IMMP2L: variants seen among roughly 807,000 people sequenced by gnomAD.
The protein encoded by IMMP2L is mitochondrial inner membrane protease subunit 2.
IMMP2L carries 18 observed loss-of-function variants against 19.3 expected under a neutral mutation model. That is an observed-to-expected ratio of 0.93 (90% CI 0.64 to 1.38). IMMP2L has a LOEUF of 1.38. IMMP2L is among the 40% of genes most tolerant of loss of function. IMMP2L has a pLI of 0.00. For synonymous variants in IMMP2L, 76 were observed against 73.0 expected (o/e 1.04, Z -0.21); for missense variants, 233 against 218.2 (o/e 1.07, Z -0.43).
chr7:111,132,540 C>A (rs1281824337), intron 3 of IMMP2L, among the ~76,000 whole-genome samples: 1 of 152,046 alleles, frequency 6.6e-6, no homozygotes. Flanking sequence ...ACCACATCAA[C>A]ACCAACAGCT....
intron 3 of IMMP2L, among the ~76,000 whole-genome samples, chr7:111,324,423 T>C (rs927967653): frequency 1.3e-5 from 2 of 151,948 alleles, no homozygotes; most frequent in Admixed American, 6.6e-5. Flanking sequence ...ATTAAGGAAA[T>C]GCCTAAAAAG....
Position 111,378,662 on chromosome 7 carries a change from C to T in IMMP2L, c.239+108576G>A, listed in dbSNP as rs1830912891. ...TTATTTTAATGACTAAACAGTTGAA[C>T]TGAAGAGTGTTTATAATATCCAATT... On this transcript the variant is annotated intron_variant, in intron 3 of 5. Coordinates refer to ENST00000405709, the MANE Select transcript of IMMP2L (RefSeq NM_032549.4). Among the ~76,000 whole-genome samples the T allele has an allele frequency of 2.6e-5, 4 of 151,900 alleles. 1 individual carries two copies.
At chr7:110,747,812 G>A (rs1468520730) in intron 5 of IMMP2L, among the ~76,000 whole-genome samples, 1 of 152,092 alleles carries the variant, frequency 6.6e-6, no homozygotes, top group Non-Finnish European at 1.5e-5. Flanking sequence ...GGCAAAAACT[G>A]GAAGCATTCC....
intron 5 of IMMP2L, among the ~76,000 whole-genome samples, chr7:110,853,940 C>T (rs139462560): frequency 1.3e-5 from 2 of 152,018 alleles, no homozygotes; most frequent in African/African-American, 4.8e-5. Context: ...ATGATAAACA[C>T]ACAATCTATG....
intron 3 of IMMP2L, among the ~76,000 whole-genome samples, chr7:110,964,904 G>A (rs1819369282): frequency 6.6e-6 from 1 of 151,964 alleles, no homozygotes; most frequent in South Asian, 2.1e-4. Context: ...TCACATTAGT[G>A]AGCTTCAAAG....
intron 3 of IMMP2L, among the ~76,000 whole-genome samples, chr7:111,029,183 C>G (rs1827155194): frequency 6.6e-6 from 1 of 152,086 alleles, no homozygotes; most frequent in Admixed American, 6.6e-5. Flanking sequence ...GATCCAATTT[C>G]CATAAACCAC....
At chr7:110,967,579 G>A (rs1248176102) in intron 3 of IMMP2L, among the ~76,000 whole-genome samples, 1 of 151,962 alleles carries the variant, frequency 6.6e-6, no homozygotes, top group East Asian at 1.9e-4. Flanking sequence ...ACAGTCTAAT[G>A]TAATCACTGA....
At chr7:111,333,566 A>C (rs1826089809) in intron 3 of IMMP2L, among the ~76,000 whole-genome samples, 1 of 152,052 alleles carries the variant, frequency 6.6e-6, no homozygotes, top group African/African-American at 2.4e-5. Context: ...GGATTGAAGG[A>C]TGCAAAGCTC....
In IMMP2L at chr7:111,057,881, G is replaced by A. The variant is rs555314686; in HGVS notation, c.240-94316C>T. On this transcript the variant is annotated intron_variant, in intron 3 of 5. Coordinates refer to ENST00000405709, the MANE Select transcript of IMMP2L (RefSeq NM_032549.4). ...ATTATAAAACATTCTTGTTCATGAGGAATTTCTTCAACTGTATGTATGGAT... is the reference window on the plus strand; with the variant it reads ...ATTATAAAACATTCTTGTTCATGAGAAATTTCTTCAACTGTATGTATGGAT... Among the ~76,000 whole-genome samples, 586 of 152,058 alleles carry A rather than the reference G, an allele frequency of 3.9e-3. 3 individuals carry two copies. Among genetic ancestry groups the A allele is most frequent in the African/African-American group, 0.014 (566 of 41,468 alleles).
chr7:110,722,419 G>A (rs1795631110), intron 5 of IMMP2L, among the ~76,000 whole-genome samples: 1 of 151,946 alleles, frequency 6.6e-6, no homozygotes, highest in African/African-American at 2.4e-5. Context: ...AAAGTTGCCA[G>A]TGCACACCTA....
chr7:111,118,782 C>T (rs180802677), intron 3 of IMMP2L, among the ~76,000 whole-genome samples: 19 of 152,080 alleles, frequency 1.2e-4, no homozygotes, highest in Admixed American at 4.6e-4. Context: ...GCTAAAGAAA[C>T]GATAAATTTC....
At chr7:110,923,025 G>C (rs1411839938) in intron 4 of IMMP2L, among the ~76,000 whole-genome samples, 1 of 152,172 alleles carries the variant, frequency 6.6e-6, no homozygotes, top group Middle Eastern at 3.2e-3. Context: ...GCCTATGGCA[G>C]TTGCTGTGGT....
At chr7:110,872,411 C>G (rs111634435) in intron 5 of IMMP2L, among the ~76,000 whole-genome samples, 2 of 152,154 alleles carry the variant, frequency 1.3e-5, no homozygotes, top group Non-Finnish European at 2.9e-5. Context: ...GTACCTCTGT[C>G]TCTGGCTTTT....
chr7:110,862,440 A>G (rs1349274079), intron 5 of IMMP2L, among the ~76,000 whole-genome samples: 1 of 151,756 alleles, frequency 6.6e-6, no homozygotes, highest in Non-Finnish European at 1.5e-5. Flanking sequence ...CCTGGGCTCA[A>G]GCGATCCTCC....
In IMMP2L at chr7:111,460,507, T is replaced by C. The variant is rs947598439; in HGVS notation, c.239+26731A>G. Among the ~76,000 whole-genome samples the C allele has an allele frequency of 1.8e-4, 28 of 152,262 alleles. 1 individual carries two copies. Among genetic ancestry groups the C allele is most frequent in the African/African-American group, 6.5e-4 (27 of 41,572 alleles). ...GTTTATACTTCATAAGCAAAGGTAT[T>C]CGTGGGAGATTTTTTAATAAATGTT... On this transcript the variant is annotated intron_variant, in intron 3 of 5. Transcript: ENST00000405709.
Position 111,007,452 on chromosome 7 carries a change from C to G in IMMP2L, c.240-43887G>C, listed in dbSNP as rs6958428. Among the ~76,000 whole-genome samples the G allele has an allele frequency of 7.5e-3, 1,141 of 152,206 alleles. 10 individuals carry two copies. Among genetic ancestry groups the G allele is most frequent in the South Asian group, 0.023 (112 of 4,820 alleles). On this transcript the variant is annotated intron_variant, in intron 3 of 5. Transcript: ENST00000405709. Reference sequence around the variant, plus strand: ...TCCTTGATATGTGCATGTCACTGGACTTTGGAAATACAAAAACTTTCTTAA... The same window carrying G: ...TCCTTGATATGTGCATGTCACTGGAGTTTGGAAATACAAAAACTTTCTTAA...
At chr7:110,942,993 T>TG (rs1169338650) in intron 4 of IMMP2L, among the ~76,000 whole-genome samples, 1 of 151,912 alleles carries the variant, frequency 6.6e-6, no homozygotes, top group African/African-American at 2.4e-5. Context: ...ATCTCTGAAA[T>TG]GAAGACAACA....
chr7:111,208,249 A>C (rs1187790558), intron 3 of IMMP2L, among the ~76,000 whole-genome samples: 3 of 152,220 alleles, frequency 2.0e-5, no homozygotes, highest in Admixed American at 2.0e-4. Flanking sequence ...TCATTCAAAA[A>C]AGAACAACAA....
chr7:110,938,748 T>C (rs892418354), intron 4 of IMMP2L, among the ~76,000 whole-genome samples: 1 of 152,084 alleles, frequency 6.6e-6, no homozygotes, highest in African/African-American at 2.4e-5. Flanking sequence ...AATACAAAAA[T>C]AGTTGCTCTT....
Sources: allele counts gnomAD v4.1 joint callset (sites outside exome capture counted in the v4.1 genomes callset), GRCh38; gene constraint gnomAD v4.1.1; transcripts MANE v1.5; gene names NCBI Gene and HGNC (gene_info 2026-07-23, HGNC 2026-07-21).